The following TROAP variants were observed in gnomAD, a reference collection of about 807,000 sequenced individuals.
TROAP encodes the protein trophinin associated protein, also known as tastin.
TROAP carries 62 observed loss-of-function variants against 83.4 expected under a neutral mutation model. The ratio of observed to expected loss-of-function variants is 0.74; its 90% CI spans 0.61 to 0.92. TROAP has a LOEUF of 0.92. Among genes scored for constraint, TROAP ranks in the 40% least tolerant of loss-of-function variants. TROAP has a pLI of 0.00. For missense variants in TROAP, 876 were observed against 985.1 expected (o/e 0.89, Z 1.48); for synonymous variants, 352 against 386.4 (o/e 0.91, Z 1.04).
rs1943550816 is a variant in TROAP at position 49,329,794 on chromosome 12, C to T, written c.1165-63C>T. 6.9e-6 allele frequency: 11 copies of T among 1,587,100 alleles called. No individual in the cohort carries two copies. The highest frequency in any genetic ancestry group is 1.8e-4 in the Middle Eastern group (1 of 5,524). ...CAATCCATTCCTCATGAGGGTGGGACTCAGGCTGGTCTTTCTCCTGCCCCA... is the reference window on the plus strand; with the variant it reads ...CAATCCATTCCTCATGAGGGTGGGATTCAGGCTGGTCTTTCTCCTGCCCCA... On this transcript the variant is annotated intron_variant, in intron 11 of 14. Transcript: ENST00000257909. The surrounding 1 kb of genome is among the most constrained non-coding windows in gnomAD (Gnocchi z 4.5).
Position 49,323,919 on chromosome 12 carries a change from G to A in TROAP, c.219G>A (p.Arg73=). The A allele has an allele frequency of 6.2e-7, 1 of 1,614,092 alleles. No individual in the cohort carries two copies. Among genetic ancestry groups the A allele is most frequent in the Non-Finnish European group, 8.5e-7 (1 of 1,180,040 alleles). ...CAGCAGGCCCCAGGCCGAAAGCCAG[G>A]CACCAGGCAGAGACATCACAAAGAT... ...VDSAGPRPKA[R]HQAETSQRLV... The change falls in exon 3 of 15, where the codon AGG becomes AGA. Residue 73 remains arginine (R), a synonymous_variant. Coordinates refer to ENST00000257909, the MANE Select transcript of TROAP (RefSeq NM_005480.4).
intron 8 of TROAP, among the ~76,000 whole-genome samples, chr12:49,328,298 C>T (rs768596162): frequency 4.9e-5 from 7 of 141,602 alleles, no homozygotes; most frequent in African/African-American, 1.1e-4. Flanking sequence ...GATCTCCGCT[C>T]ATTGCAACCT....
At chr12:49,331,476 A>T in intron 14 of TROAP, 69 bp downstream of exon 14, 1 of 1,609,362 alleles carries the variant, frequency 6.2e-7, no homozygotes, top group Non-Finnish European at 8.5e-7. Context: ...GAACAGGGAC[A>T]GGGGGCCACC....
Position 49,323,699 on chromosome 12 carries a change from C to T in TROAP, c.91C>T (p.Pro31Ser), listed in dbSNP as rs923373057. ...TCCGGTACGCTCTCAGAAACGCACG[C>T]CTTTCCCCACTGTTACATCGTGCGC... ...KIPVRSQKRT[P>S]FPTVTSCAVD... Residue 31 changes from proline (P) to serine (S), a missense_variant, in exon 2 of 15, where the codon CCT (proline) becomes TCT (serine). This residue lies in a region of TROAP where 689 missense variants were observed against 722.6 expected (regional missense o/e 0.95). Coordinates refer to ENST00000257909, the MANE Select transcript of TROAP (RefSeq NM_005480.4). 1.2e-6 allele frequency: 2 copies of T among 1,614,164 alleles called. No individual in the cohort carries two copies. The highest frequency in any genetic ancestry group is 1.7e-5 in the Admixed American group (1 of 60,010).
chr12:49,331,181 C>T, intron 13 of TROAP, 33 bp from the exon 14 acceptor site: 1 of 1,613,334 alleles, frequency 6.2e-7, no homozygotes, highest in Non-Finnish European at 8.5e-7. Flanking sequence ...TATAGGACCC[C>T]AGACCTCCCT....
rs777192696 is a variant in TROAP, at chr12:49,329,353, C to T, written c.1105-42C>T. 2 of 1,613,066 alleles carry T rather than the reference C, an allele frequency of 1.2e-6. No homozygotes were observed. Among genetic ancestry groups the T allele is most frequent in the Non-Finnish European group, 1.7e-6 (2 of 1,179,244 alleles). ...GAAGCAAGGGGAGGCTGAGTGCCAT[C>T]TGTGGGTGTCAGCCCTTGCTGACAT... On this transcript the variant is annotated intron_variant, in intron 10 of 14. Coordinates refer to ENST00000257909, the MANE Select transcript of TROAP (RefSeq NM_005480.4). The surrounding 1 kb of genome is among the most constrained non-coding windows in gnomAD (Gnocchi z 4.5).
At position 49,329,361 on chromosome 12, in the gene TROAP, G is replaced by A. The variant is rs764776422; in HGVS notation, c.1105-34G>A. 4 of 1,613,232 alleles carry A rather than the reference G, an allele frequency of 2.5e-6. No individual in the cohort carries two copies. Among genetic ancestry groups the A allele is most frequent in the South Asian group, 2.2e-5 (2 of 90,954 alleles). On this transcript the variant is annotated intron_variant, in intron 10 of 14. Transcript: ENST00000257909. This position sits in a 1 kb window ranked among gnomAD's most constrained non-coding sequence, Gnocchi z 4.5. ...GGGAGGCTGAGTGCCATCTGTGGGT[G>A]TCAGCCCTTGCTGACATCTCACTTC...
At position 49,330,694 on chromosome 12, in the gene TROAP, G is replaced by A. The variant is rs1436940661; in HGVS notation, c.1849G>A (p.Ala617Thr). 3 of 1,614,136 alleles carry A rather than the reference G, an allele frequency of 1.9e-6. No homozygotes were observed. Among genetic ancestry groups the A allele is most frequent in the Non-Finnish European group, 1.7e-6 (2 of 1,180,014 alleles). Residue 617 changes from alanine to threonine, a missense_variant, in exon 13 of 15, where the codon GCA (alanine) becomes ACA (threonine). By Grantham distance (58) the Ala-to-Thr change is moderately conservative (BLOSUM62 0). Transcript: ENST00000257909. Reference protein sequence around the residue: ...QLEVPEPCPPAEPGPLQPSTQ... With the variant: ...QLEVPEPCPPTEPGPLQPSTQ... Reference sequence around the variant, plus strand: ...TGAGGTACCTGAGCCCTGCCCTCCAGCAGAACCCGGGCCCCTTCAGCCCAG... The same window carrying A: ...TGAGGTACCTGAGCCCTGCCCTCCAACAGAACCCGGGCCCCTTCAGCCCAG...
At chr12:49,325,462 G>C in intron 3 of TROAP, 39 bp from the exon 4 acceptor site, 1 of 1,598,920 alleles carries the variant, frequency 6.3e-7, no homozygotes, top group Non-Finnish European at 8.5e-7. Context: ...ATCCCCCTCA[G>C]CCTTCCCCCT....
At chr12:49,331,161 A>C (rs756538905) in intron 13 of TROAP, 53 bp from the exon 14 acceptor site, 7 of 1,608,444 alleles carry the variant, frequency 4.4e-6, no homozygotes, top group East Asian at 4.5e-5. Flanking sequence ...AGGACAGTAC[A>C]TGGTGGAAGT....
At position 49,330,820 on chromosome 12, in the gene TROAP, C is replaced by T; in HGVS notation, c.1975C>T (p.Pro659Ser). ...ACATAGAAGTCTAGAGTCCAGTCTA[C>T]CACCCTGCTGCAGTCAGTGGGCTCC... ...LEHRSLESSL[P>S]PCCSQWAPAT... is the part of the protein sequence containing the mutation. The change falls in exon 13 of 15, where the codon CCA becomes TCA. Residue 659 changes from proline (P) to serine (S), a missense_variant. By Grantham distance (74) the Pro-to-Ser change is moderately conservative. Around this residue, in one of 3 missense-constraint regions of TROAP, gnomAD observed 184 missense variants for 238.3 expected, o/e 0.77. Transcript: ENST00000257909. 6.2e-7 allele frequency: 1 copy of T among 1,613,748 alleles called. No individual in the cohort carries two copies. Among genetic ancestry groups the T allele is most frequent in the Non-Finnish European group, 8.5e-7 (1 of 1,180,002 alleles).
Position 49,324,034 on chromosome 12 carries a change from ACAGGTAC to A in TROAP, c.336_337+5del, listed in dbSNP as rs1301382112. The A allele has an allele frequency of 6.2e-7, 1 of 1,612,962 alleles. No individual in the cohort carries two copies. The highest frequency in any genetic ancestry group is 1.1e-5 in the South Asian group (1 of 91,058). ...TGTGGGGCCTGGGCCCCCTGCCCAG[ACAGGTAC>A]CTGTTGGAGCCATGGTAACACGGCC... On this transcript the variant is annotated splice_donor_variant and splice_donor_region_variant and coding_sequence_variant and intron_variant, in exon 3 of 15. Coordinates refer to ENST00000257909, the MANE Select transcript of TROAP (RefSeq NM_005480.4). LOFTEE classifies it high-confidence loss of function.
chr12:49,329,090 G>A lies in TROAP; in HGVS notation c.1020+35G>A, dbSNP rs1220373299. The A allele has an allele frequency of 2.5e-6, 4 of 1,613,772 alleles. No individual in the cohort carries two copies. In the African/African-American group the frequency reaches 5.3e-5, roughly 22 times the overall value. On this transcript the variant is annotated intron_variant, in intron 9 of 14. Coordinates refer to ENST00000257909, the MANE Select transcript of TROAP (RefSeq NM_005480.4). The surrounding 1 kb of genome is among the most constrained non-coding windows in gnomAD (Gnocchi z 4.5). ...AACAACTGGGGGCTGGGCAGGGGCA[G>A]AACAGTCTGGCCGGAGATCCTTGCT... is the stretch of plus-strand genomic sequence containing the variant.
chr12:49,328,994 T>C lies in TROAP; in HGVS notation c.959T>C (p.Val320Ala), dbSNP rs372730414. Residue 320 changes from valine (V) to alanine (A), a missense_variant, in exon 9 of 15, where the codon GTG becomes GCG. Coordinates refer to ENST00000257909, the MANE Select transcript of TROAP (RefSeq NM_005480.4). ...GCCCAGCCCTTGCCTGGCCATGTGG[T>C]GCCATGTCCATCACCCTTTGGACGG... The part of the protein sequence containing the change: ...PVAQPLPGHV[V>A]PCPSPFGRAQ... 4.3e-6 allele frequency: 7 copies of C among 1,610,638 alleles called. No individual in the cohort carries two copies. Among genetic ancestry groups the C allele is most frequent in the Non-Finnish European group, 5.9e-6 (7 of 1,177,818 alleles).
Position 49,327,323 on chromosome 12 carries a change from A to C in TROAP, c.884A>C (p.His295Pro), listed in dbSNP as rs1437053047. The change falls in exon 8 of 15, where the codon CAT (histidine) becomes CCT (proline). Residue 295 changes from histidine to proline, a missense_variant. Physicochemically the swap from His to Pro is moderately conservative, Grantham distance 77 (BLOSUM62 -2). This residue lies in a region of TROAP where 689 missense variants were observed against 722.6 expected (regional missense o/e 0.95). Transcript: ENST00000257909. The stretch of plus-strand genomic sequence containing the variant: ...TTAAGAGAAAACCGAGAAATGTCAC[A>C]TACCAGGGTGAGATGCGACTCTCCT... ...VPLRENREMS[H>P]TRDSHDSHLM... is the part of the protein sequence containing the mutation. The C allele has an allele frequency of 6.2e-7, 1 of 1,613,948 alleles. No homozygotes were observed. The highest frequency in any genetic ancestry group is 8.5e-7 in the Non-Finnish European group (1 of 1,179,894).
At position 49,325,481 on chromosome 12, in the gene TROAP, C is replaced by T; in HGVS notation, c.338-20C>T. 6.2e-7 allele frequency: 1 copy of T among 1,608,318 alleles called. No homozygotes were observed. Among genetic ancestry groups the T allele is most frequent in the South Asian group, 1.1e-5 (1 of 90,566 alleles). ...CCCTCAGCCTTCCCCCTTCCTTTTCCTTCTCCTCTTTCCTTGCAGAGGCTC... is the reference window on the plus strand; with the variant it reads ...CCCTCAGCCTTCCCCCTTCCTTTTCTTTCTCCTCTTTCCTTGCAGAGGCTC... On this transcript the variant is annotated intron_variant, in intron 3 of 14. Transcript: ENST00000257909.
rs1565671485 is a variant in TROAP at position 49,329,387 on chromosome 12, T to G, written c.1105-8T>G. The stretch of plus-strand genomic sequence containing the variant: ...TCAGCCCTTGCTGACATCTCACTTC[T>G]GTGCCAGGCCCAGTGGCTGCGTGGT... On this transcript the variant is annotated splice_region_variant and splice_polypyrimidine_tract_variant and intron_variant, in intron 10 of 14. Coordinates refer to ENST00000257909, the MANE Select transcript of TROAP (RefSeq NM_005480.4). This position sits in a 1 kb window ranked among gnomAD's most constrained non-coding sequence, Gnocchi z 4.5. The G allele has an allele frequency of 6.2e-7, 1 of 1,613,166 alleles. No homozygotes were observed. Among genetic ancestry groups the G allele is most frequent in the South Asian group, 1.1e-5 (1 of 90,948 alleles).
intron 8 of TROAP, among the ~76,000 whole-genome samples, chr12:49,327,676 C>T (rs1304891517): frequency 6.6e-6 from 1 of 152,108 alleles, no homozygotes; most frequent in African/African-American, 2.4e-5. Flanking sequence ...AGGCTCTGTT[C>T]TAGGCTCTGG....
In TROAP at chr12:49,331,221, C is replaced by T. The variant is rs746615349; in HGVS notation, c.2106C>T (p.Ser702=). Residue 702 remains serine, a synonymous_variant, in exon 14 of 15, where the codon AGC becomes AGT. Coordinates refer to ENST00000257909, the MANE Select transcript of TROAP (RefSeq NM_005480.4). ...LRPPAGQAGL[S]NLAPRTLALR... is the part of the protein sequence containing the mutation. The stretch of plus-strand genomic sequence containing the variant: ...ATTTTCCATGCCCCTCAGGCCTCAG[C>T]AATCTGGCCCCTCGAACCCTAGCCC... 8.7e-6 allele frequency: 14 copies of T among 1,614,086 alleles called. No individual in the cohort carries two copies. Among genetic ancestry groups the T allele is most frequent in the Non-Finnish European group, 1.0e-5 (12 of 1,180,040 alleles).
Sources: gnomAD v4.1 joint callset for allele counts (sites outside exome capture counted in the v4.1 genomes callset) on GRCh38, gnomAD v4.1.1 for gene constraint, gnomAD v4.1.1 regional missense constraint, Gnocchi (gnomAD v3.1) non-coding constraint, MANE v1.5 for transcripts, NCBI Gene and HGNC (gene_info 2026-07-23, HGNC 2026-07-21) for gene names.